CNTNAP2: variants seen among roughly 807,000 people sequenced by gnomAD.
CNTNAP2 encodes contactin associated protein 2.
A neutral mutation model predicts 155.2 loss-of-function variants in CNTNAP2; 98 were observed. The observed-to-expected ratio is 0.63, with a 90% CI of 0.54 to 0.75. The LOEUF (loss-of-function observed/expected upper bound fraction) is 0.75, where lower values mean the gene tolerates loss of function less well. CNTNAP2 is among the 30% of genes least tolerant of loss of function. The pLI is 0.00. For missense variants in CNTNAP2, 1,727 were observed against 1,688.1 expected, an observed-to-expected ratio of 1.02 and a Z score of -0.40; for synonymous variants, 651 against 631.2, an observed-to-expected ratio of 1.03 and a Z score of -0.47.
intron 1 of CNTNAP2, among the ~76,000 whole-genome samples, chr7:146,293,287 C>A (rs1278366927): frequency 3.3e-5 from 5 of 152,152 alleles, no homozygotes; most frequent in African/African-American, 1.2e-4. Context: ...AGACTATATC[C>A]ATTGAAAACT....
intron 8 of CNTNAP2, among the ~76,000 whole-genome samples, chr7:147,201,964 G>A (rs375667412): frequency 1.3e-5 from 2 of 152,072 alleles, no homozygotes; most frequent in African/African-American, 4.8e-5. Flanking sequence ...AAGGACTTGA[G>A]CTTACACAAT....
chr7:146,828,783 T>C (rs1803455940), intron 2 of CNTNAP2, among the ~76,000 whole-genome samples: 2 of 152,108 alleles, frequency 1.3e-5, no homozygotes, highest in South Asian at 4.1e-4. Flanking sequence ...TAATCAGACC[T>C]AATTGTCACT....
intron 1 of CNTNAP2, among the ~76,000 whole-genome samples, chr7:146,323,008 G>C (rs919203528): frequency 4.6e-5 from 7 of 152,064 alleles, no homozygotes; most frequent in Non-Finnish European, 7.4e-5. Flanking sequence ...AGAGCCAAAA[G>C]AGCCTTATAT....
chr7:148,165,150 G>T (rs909198122), intron 17 of CNTNAP2, among the ~76,000 whole-genome samples: 1 of 152,180 alleles, frequency 6.6e-6, no homozygotes, highest in African/African-American at 2.4e-5. Flanking sequence ...TCCAAGATCA[G>T]TGTGTCCGTA....
intron 1 of CNTNAP2, among the ~76,000 whole-genome samples, chr7:146,228,550 A>G (rs73739579): frequency 0.03 from 4,541 of 152,304 alleles, 222 homozygotes; most frequent in African/African-American, 0.1. Context: ...TATTCTTTCT[A>G]CAGAGCAAGC....
intron 17 of CNTNAP2, among the ~76,000 whole-genome samples, chr7:148,157,477 C>A (rs1276287490): frequency 6.8e-6 from 1 of 147,810 alleles, no homozygotes; most frequent in Non-Finnish European, 1.5e-5. Flanking sequence ...CTCCAGAATT[C>A]TTTTCTCAAA....
intron 9 of CNTNAP2, among the ~76,000 whole-genome samples, chr7:147,326,984 T>C (rs953821886): frequency 6.6e-6 from 1 of 152,162 alleles, no homozygotes; most frequent in Non-Finnish European, 1.5e-5. Flanking sequence ...CAAGAATGTA[T>C]GACAAAAGTA....
chr7:147,134,156 C>T (rs1439880908), intron 8 of CNTNAP2, among the ~76,000 whole-genome samples: 2 of 151,890 alleles, frequency 1.3e-5, no homozygotes, highest in Non-Finnish European at 2.9e-5. Flanking sequence ...GGTGGGTTTC[C>T]ATGTAACAGG....
At chr7:146,580,537 A>G (rs1798596477) in intron 1 of CNTNAP2, among the ~76,000 whole-genome samples, 1 of 151,860 alleles carries the variant, frequency 6.6e-6, no homozygotes, top group Non-Finnish European at 1.5e-5. Context: ...ATATGGAAGC[A>G]AATTAGAAAC....
At chr7:146,514,696 A>C (rs1421086163) in intron 1 of CNTNAP2, among the ~76,000 whole-genome samples, 1 of 150,870 alleles carries the variant, frequency 6.6e-6, no homozygotes, top group African/African-American at 2.4e-5. Flanking sequence ...AACTCATACC[A>C]TCTCATTAGG....
chr7:147,825,032 A>G (rs851716), intron 13 of CNTNAP2, among the ~76,000 whole-genome samples: 52,819 of 152,074 alleles, frequency 0.35, 9,410 homozygotes, highest in Middle Eastern at 0.4. Context: ...TACGGATTAT[A>G]CTGAAGGTAA....
chr7:148,143,667 A>G (rs1387277876), intron 16 of CNTNAP2, among the ~76,000 whole-genome samples: 1 of 152,176 alleles, frequency 6.6e-6, no homozygotes, highest in Non-Finnish European at 1.5e-5. Context: ...TGACAGAACA[A>G]GACCCTGTCT....
rs565611574 is a variant in CNTNAP2, at chr7:146,897,630, CT to C, written c.402+57730del. On this transcript the variant is annotated intron_variant, in intron 3 of 23. Coordinates refer to ENST00000361727, the MANE Select transcript of CNTNAP2 (RefSeq NM_014141.6). ...TAGGAAACACTTCTGCTGTGGAAACCTTTTGAGAGCTAAACTTTTCCCTTAC... is the reference window on the plus strand; with the variant it reads ...TAGGAAACACTTCTGCTGTGGAAACCTTTGAGAGCTAAACTTTTCCCTTAC... Among the ~76,000 whole-genome samples the C allele has an allele frequency of 4.3e-3, 651 of 151,760 alleles. 4 individuals are homozygous for C. The highest frequency in any genetic ancestry group is 0.015 in the African/African-American group (615 of 41,384).
intron 16 of CNTNAP2, among the ~76,000 whole-genome samples, chr7:148,129,839 C>T (rs1022439805): frequency 6.6e-6 from 1 of 152,256 alleles, no homozygotes; most frequent in Admixed American, 6.5e-5. Flanking sequence ...ACCTCCCAAC[C>T]TAAGTGAACT....
At chr7:147,465,683 G>A (rs1292760727) in intron 10 of CNTNAP2, among the ~76,000 whole-genome samples, 1 of 152,120 alleles carries the variant, frequency 6.6e-6, no homozygotes, top group African/African-American at 2.4e-5. Flanking sequence ...GGCTTGATGG[G>A]GTCAATTCCA....
At chr7:146,747,715 T>C (rs920065593) in intron 1 of CNTNAP2, among the ~76,000 whole-genome samples, 1 of 152,208 alleles carries the variant, frequency 6.6e-6, no homozygotes, top group Admixed American at 6.5e-5. Context: ...TATGTAAGTG[T>C]GAGCTCTGAA....
intron 3 of CNTNAP2, among the ~76,000 whole-genome samples, chr7:146,975,179 T>C (rs1292957313): frequency 6.6e-6 from 1 of 151,490 alleles, no homozygotes; most frequent in Non-Finnish European, 1.5e-5. Flanking sequence ...AGACAGTAGC[T>C]CACGGCTGGG....
chr7:146,296,927 T>TATTTTGTATAAAGATTA (rs1193207868), intron 1 of CNTNAP2, among the ~76,000 whole-genome samples: 1 of 151,992 alleles, frequency 6.6e-6, no homozygotes, highest in Non-Finnish European at 1.5e-5. Context: ...AGTACTGAGT[T>TATTTTGTATAAAGATTA]ATTTTGTATA....
chr7:146,952,047 C>A (rs972387743), intron 3 of CNTNAP2, among the ~76,000 whole-genome samples: 1 of 151,942 alleles, frequency 6.6e-6, no homozygotes, highest in East Asian at 1.9e-4. Context: ...ACTGGCAAAC[C>A]GAATACAGCA....
Sources: gnomAD v4.1 joint callset for allele counts (sites outside exome capture counted in the v4.1 genomes callset) on GRCh38, gnomAD v4.1.1 for gene constraint, MANE v1.5 for transcripts, NCBI Gene and HGNC (gene_info 2026-07-23, HGNC 2026-07-21) for gene names.